Variants in ANKRD52 observed in about 807,000 individuals in gnomAD.
ANKRD52 encodes serine/threonine-protein phosphatase 6 regulatory ankyrin repeat subunit C.
Under a neutral mutation model 116.0 loss-of-function variants are expected in ANKRD52, and 7 were observed. The ratio of observed to expected loss-of-function variants is 0.06; its 90% CI spans 0.03 to 0.11. The LOEUF (loss-of-function observed/expected upper bound fraction) is 0.11. ANKRD52 is among the 10% of genes least tolerant of loss of function. The probability of loss-of-function intolerance (pLI) is 1.00; values close to 1 mark genes in which losing one functional copy is unlikely to be tolerated. For missense variants in ANKRD52, 839 were observed against 1,408.6 expected, an observed-to-expected ratio of 0.60 and a Z score of 6.47; for synonymous variants, 528 against 578.1, an observed-to-expected ratio of 0.91 and a Z score of 1.24.
chr12:56,251,696 C>G (rs112944721), intron 15 of ANKRD52, among the ~76,000 whole-genome samples: 1 of 146,474 alleles, frequency 6.8e-6, no homozygotes, highest in Non-Finnish European at 1.5e-5. Context: ...TGAGATCACA[C>G]CACTGCATTC....
chr12:56,247,460 T>G, intron 20 of ANKRD52, 33 bp downstream of exon 20: 2 of 1,525,726 alleles, frequency 1.3e-6, no homozygotes, highest in Non-Finnish European at 1.8e-6. Flanking sequence ...CTGAGGCCCA[T>G]GTGCAAACAA....
chr12:56,250,860 T>C (rs1377982802), intron 15 of ANKRD52, among the ~76,000 whole-genome samples: 3 of 152,136 alleles, frequency 2.0e-5, no homozygotes, highest in Non-Finnish European at 4.4e-5. Context: ...CTTTTATTTA[T>C]CTTTCCCAAT....
At chr12:56,247,992 G>A (rs566080861) in intron 18 of ANKRD52, 31 bp downstream of exon 18, 1 of 1,559,442 alleles carries the variant, frequency 6.4e-7, no homozygotes, top group Non-Finnish European at 8.6e-7. Flanking sequence ...GCATGGCAAG[G>A]GTAGGGCAGC....
chr12:56,257,406 G>C (rs1215617120), intron 2 of ANKRD52, 45 bp from the exon 3 acceptor site: 1 of 1,490,192 alleles, frequency 6.7e-7, no homozygotes, highest in Non-Finnish European at 9.2e-7. Context: ...CGGGGTAAGG[G>C]GGCTATCAAG....
At position 56,252,941 on chromosome 12, in the gene ANKRD52, G is replaced by T. The variant is rs749510518; in HGVS notation, c.1184-44C>A. ...CACAGGTCACATCTGAGAGTGTTCA[G>T]CAGGGAGGGAAAGGCCTTTGCTCTC... On this transcript the variant is annotated intron_variant, in intron 11 of 27. Transcript: ENST00000267116. The surrounding 1 kb of genome is among the most constrained non-coding windows in gnomAD (Gnocchi z 4.7). The T allele has an allele frequency of 8.7e-6, 14 of 1,602,920 alleles. No homozygotes were observed. The East Asian group carries it at 3.1e-4, about 36-fold the overall frequency.
intron 15 of ANKRD52, among the ~76,000 whole-genome samples, chr12:56,249,528 G>A (rs1241759916): frequency 6.6e-6 from 1 of 152,110 alleles, no homozygotes; most frequent in African/African-American, 2.4e-5. Flanking sequence ...CTTGCTGAAG[G>A]TAATAGCTGA....
intron 4 of ANKRD52, among the ~76,000 whole-genome samples, chr12:56,256,250 A>C (rs537281528): frequency 2.6e-5 from 4 of 152,150 alleles, no homozygotes; most frequent in African/African-American, 9.6e-5. Context: ...AGACCCTGAA[A>C]ATCTTCACTC....
rs547301234 is a variant in ANKRD52, at chr12:56,257,916, A to C, written c.28-5T>G. On this transcript the variant is annotated splice_polypyrimidine_tract_variant and splice_region_variant and intron_variant, in intron 1 of 27. Transcript: ENST00000267116. ...GATGGCCTGGACCAGGGGCGGCTGC[A>C]GAGAGAACCGGCATTCTGAGAGCGG... The C allele has an allele frequency of 2.5e-6, 4 of 1,572,424 alleles. No individual in the cohort carries two copies. In the South Asian group the frequency reaches 3.3e-5, roughly 13 times the overall value.
chr12:56,258,278 C>T lies in ANKRD52; in HGVS notation c.-9G>A, dbSNP rs1872062788. Reference sequence around the variant, plus strand: ...ATGCTGAGGATCCCCATGGCTCGGCCCGGGCTCCGTCCGCATCGAGCTCCC... The same window carrying T: ...ATGCTGAGGATCCCCATGGCTCGGCTCGGGCTCCGTCCGCATCGAGCTCCC... On this transcript the variant is annotated 5_prime_UTR_variant, in exon 1 of 28. Transcript: ENST00000267116. The T allele has an allele frequency of 6.3e-7, 1 of 1,577,246 alleles. No individual in the cohort carries two copies. Among genetic ancestry groups the T allele is most frequent in the Non-Finnish European group, 8.6e-7 (1 of 1,165,196 alleles).
intron 2 of ANKRD52, 114 bp downstream of exon 2, chr12:56,257,714 G>C (rs1872025003): frequency 1.9e-6 from 2 of 1,031,234 alleles, no homozygotes; most frequent in South Asian, 2.9e-5. Flanking sequence ...AGGATGGAAA[G>C]AACTGCGGCC....
chr12:56,251,194 G>C (rs1328682602), intron 15 of ANKRD52, among the ~76,000 whole-genome samples: 1 of 152,158 alleles, frequency 6.6e-6, no homozygotes, highest in East Asian at 1.9e-4. Flanking sequence ...GCCTGCCTCG[G>C]CCTCCCAAAG....
In ANKRD52 at chr12:56,240,840, T is replaced by A. The variant is rs1388319107; in HGVS notation, c.*2302A>T. On this transcript the variant is annotated 3_prime_UTR_variant, in exon 28 of 28. Transcript: ENST00000267116. This position sits in a 1 kb window ranked among gnomAD's most constrained non-coding sequence, Gnocchi z 4.2. ...GCGCAGACAGCCCCCAGAAATCTCA[T>A]CTAGCAAGACAACGGGGCTCTGACA... is the stretch of plus-strand genomic sequence containing the variant. The A allele has an allele frequency of 6.6e-6, 1 of 152,124 alleles. No individual in the cohort carries two copies. The highest frequency in any genetic ancestry group is 1.9e-4 in the East Asian group (1 of 5,184). 9.4% of individuals were successfully genotyped at this position (152,124 alleles called of 1,614,324 possible).
rs1871231449 is a variant in ANKRD52 at position 56,243,035 on chromosome 12, C to T, written c.*107G>A. On this transcript the variant is annotated 3_prime_UTR_variant, in exon 28 of 28. Transcript: ENST00000267116. This position sits in a 1 kb window ranked among gnomAD's most constrained non-coding sequence, Gnocchi z 4.6. The stretch of plus-strand genomic sequence containing the variant: ...CCAGGGCTTCCTTCCCCTCCGCCCC[C>T]TCCACCCAGTCGTGTTCTCCTTTAA... The T allele has an allele frequency of 1.4e-6, 2 of 1,402,770 alleles. No homozygotes were observed. Among genetic ancestry groups the T allele is most frequent in the East Asian group, 2.5e-5 (1 of 39,894 alleles). 86.9% of individuals were successfully genotyped at this position (1,402,770 alleles called of 1,614,324 possible). A position where few individuals can be genotyped will look rare whatever the true frequency, so the allele number is the denominator to read the frequency against.
At chr12:56,251,129 C>A (rs537680968) in intron 15 of ANKRD52, among the ~76,000 whole-genome samples, 5 of 151,874 alleles carry the variant, frequency 3.3e-5, no homozygotes, top group Non-Finnish European at 7.4e-5. Flanking sequence ...TTAGTAGAGA[C>A]GGGGTTTCAC....
chr12:56,245,611 G>A lies in ANKRD52; in HGVS notation c.2185-15C>T, dbSNP rs571006841. 113 of 1,599,512 alleles carry A rather than the reference G, an allele frequency of 7.1e-5. No homozygotes were observed. Among genetic ancestry groups the A allele is most frequent in the Middle Eastern group, 6.7e-4 (4 of 6,014 alleles). ...CCAGTCACTGCCTGTGAGTAACATG[G>A]GGGTGTGAGGGGGATGAAAAGCTCC... On this transcript the variant is annotated splice_polypyrimidine_tract_variant and intron_variant, in intron 20 of 27. Transcript: ENST00000267116.
chr12:56,257,935 A>G, intron 1 of ANKRD52, 24 bp from the exon 2 acceptor site: 1 of 1,361,772 alleles, frequency 7.3e-7, no homozygotes, highest in Non-Finnish European at 1.0e-6. Context: ...CGGCATTCTG[A>G]GAGCGGGCTG....
chr12:56,257,380 G>A lies in ANKRD52; in HGVS notation c.112-19C>T, dbSNP rs1872004780. 2 of 1,571,960 alleles carry A rather than the reference G, an allele frequency of 1.3e-6. No homozygotes were observed. The highest frequency in any genetic ancestry group is 1.2e-5 in the South Asian group (1 of 85,460). On this transcript the variant is annotated intron_variant, in intron 2 of 27. Transcript: ENST00000267116. ...CTTGGTCCTGGGAAGGCAAAAAAGA[G>A]CAGGGAGTATGGGCGCGGGGTAAGG... is the stretch of plus-strand genomic sequence containing the variant.
rs549369037 is a variant in ANKRD52, at chr12:56,253,494, T to C, written c.986-92A>G. On this transcript the variant is annotated intron_variant, in intron 9 of 27. Coordinates refer to ENST00000267116, the MANE Select transcript of ANKRD52 (RefSeq NM_173595.4). The surrounding 1 kb of genome is among the most constrained non-coding windows in gnomAD (Gnocchi z 5.5). The stretch of plus-strand genomic sequence containing the variant: ...CCATGATTTGAGTGCCTACTATGTA[T>C]GCATCAGGTGCCAGGCCCAGGATTC... 2.9e-6 allele frequency: 3 copies of C among 1,029,318 alleles called. No homozygotes were observed. The highest frequency in any genetic ancestry group is 1.6e-5 in the African/African-American group (1 of 63,732). The allele number at this position is 1,029,318 out of a possible 1,614,324, so 63.8% of individuals were successfully genotyped here.
chr12:56,243,565 C>T lies in ANKRD52; in HGVS notation c.2981-173G>A, dbSNP rs971021367. Among the ~76,000 whole-genome samples, 4 of 152,156 alleles carry T rather than the reference C, an allele frequency of 2.6e-5. No homozygotes were observed. The highest frequency in any genetic ancestry group is 9.7e-5 in the African/African-American group (4 of 41,432). Reference sequence around the variant, plus strand: ...GGCTGACAGGCAGATTCTCTAAGTACGGGTTAAAGGGCGGGCATGGGAGTC... The same window carrying T: ...GGCTGACAGGCAGATTCTCTAAGTATGGGTTAAAGGGCGGGCATGGGAGTC... On this transcript the variant is annotated intron_variant, in intron 27 of 27. Transcript: ENST00000267116. The surrounding 1 kb of genome is among the most constrained non-coding windows in gnomAD (Gnocchi z 4.6).
Sources: allele counts gnomAD v4.1 joint callset (sites outside exome capture counted in the v4.1 genomes callset), GRCh38; gene constraint gnomAD v4.1.1; non-coding constraint Gnocchi (gnomAD v3.1); transcripts MANE v1.5; gene names NCBI Gene and HGNC (gene_info 2026-07-23, HGNC 2026-07-21).